The following TBCK variants were observed in gnomAD, a reference collection of about 807,000 sequenced individuals.
TBCK encodes the protein TBC domain-containing protein kinase-like protein.
A neutral mutation model predicts 113.4 loss-of-function variants in TBCK; 99 were observed. The ratio of observed to expected loss-of-function variants is 0.87; its 90% CI spans 0.74 to 1.03. TBCK has a LOEUF of 1.03. Ranked by LOEUF, TBCK falls within the 50% of genes least tolerant of loss-of-function variation. The pLI, the probability that TBCK is intolerant of heterozygous loss-of-function variation, is 0.00. For missense variants in TBCK, 1,045 were observed against 1,061.3 expected (o/e 0.98, Z 0.21); for synonymous variants, 369 against 370.8 (o/e 1.00, Z 0.05).
At chr4:106,234,510 C>T (rs546412538) in intron 15 of TBCK, among the ~76,000 whole-genome samples, 1 of 152,166 alleles carries the variant, frequency 6.6e-6, no homozygotes, top group African/African-American at 2.4e-5. Context: ...GTGGCACAAC[C>T]AAGGTTCACT....
chr4:106,228,489 T>G (rs61610478), intron 19 of TBCK, among the ~76,000 whole-genome samples: 1 of 152,010 alleles, frequency 6.6e-6, no homozygotes, highest in African/African-American at 2.4e-5. Flanking sequence ...AGTGAGAACA[T>G]GTGAAGCCTG....
At chr4:106,107,384 G>T (rs1001021291) in intron 24 of TBCK, among the ~76,000 whole-genome samples, 11 of 152,006 alleles carry the variant, frequency 7.2e-5, no homozygotes, top group African/African-American at 2.4e-4. Flanking sequence ...CACATAACTG[G>T]ACATAAAACA....
intron 25 of TBCK, among the ~76,000 whole-genome samples, chr4:106,078,086 G>T (rs1228848701): frequency 6.6e-6 from 1 of 152,134 alleles, no homozygotes; most frequent in East Asian, 1.9e-4. Context: ...AACATTATTT[G>T]AAATGAATGA....
At chr4:106,062,563 AAC>A (rs1328419126) in intron 25 of TBCK, among the ~76,000 whole-genome samples, 4 of 151,928 alleles carry the variant, frequency 2.6e-5, no homozygotes, top group African/African-American at 9.7e-5. Flanking sequence ...AGATTCAAAA[AAC>A]AGTTAGGACT....
intron 25 of TBCK, among the ~76,000 whole-genome samples, chr4:106,086,569 C>A (rs1241365937): frequency 6.6e-6 from 1 of 152,200 alleles, no homozygotes; most frequent in African/African-American, 2.4e-5. Context: ...GGACTCCTCC[C>A]TAACTAATTT....
At chr4:106,162,011 G>A (rs528950764) in intron 23 of TBCK, among the ~76,000 whole-genome samples, 3 of 152,142 alleles carry the variant, frequency 2.0e-5, no homozygotes, top group Admixed American at 6.5e-5. Flanking sequence ...ACAGTCCAAA[G>A]TCTCATCTGA....
chr4:106,303,438 C>G (rs1425013689), intron 2 of TBCK, among the ~76,000 whole-genome samples: 1 of 152,046 alleles, frequency 6.6e-6, no homozygotes, highest in East Asian at 1.9e-4. Context: ...TACACATACA[C>G]AATTTTATAT....
At chr4:106,123,448 C>A (rs1260809519) in intron 23 of TBCK, among the ~76,000 whole-genome samples, 2 of 152,090 alleles carry the variant, frequency 1.3e-5, no homozygotes, top group Non-Finnish European at 2.9e-5. Flanking sequence ...CCATACTGCC[C>A]AAGGTAATTT....
chr4:106,097,503 T>C (rs1741063496), intron 24 of TBCK, among the ~76,000 whole-genome samples: 1 of 152,130 alleles, frequency 6.6e-6, no homozygotes. Flanking sequence ...AATGTATTAC[T>C]GGCAAAAAAC....
chr4:106,215,730 C>A (rs1181914637), intron 19 of TBCK, among the ~76,000 whole-genome samples: 1 of 151,390 alleles, frequency 6.6e-6, no homozygotes, highest in African/African-American at 2.4e-5. Flanking sequence ...TCCTGAGTGA[C>A]CTACAAAGAG....
intron 23 of TBCK, among the ~76,000 whole-genome samples, chr4:106,127,301 A>G (rs958658869): frequency 2.0e-5 from 3 of 151,984 alleles, no homozygotes; most frequent in African/African-American, 7.2e-5. Flanking sequence ...AATAGGCAAA[A>G]TAATTTAATA....
intron 25 of TBCK, among the ~76,000 whole-genome samples, chr4:106,047,325 T>A (rs997130901): frequency 1.3e-5 from 2 of 152,164 alleles, no homozygotes; most frequent in Non-Finnish European, 2.9e-5. Context: ...GGATCATCGA[T>A]TGCCTTTCCT....
At chr4:106,163,760 C>T (rs1366491471) in intron 23 of TBCK, 1 of 152,100 alleles carries the variant, frequency 6.6e-6, no homozygotes, top group African/African-American at 2.4e-5. Context: ...AATTACTCCA[C>T]CTGGTCCTGT....
At chr4:106,074,594 G>C (rs1256467179) in intron 25 of TBCK, among the ~76,000 whole-genome samples, 1 of 152,150 alleles carries the variant, frequency 6.6e-6, no homozygotes, top group African/African-American at 2.4e-5. Context: ...ACCAATGTAG[G>C]TTGACTAAAA....
intron 19 of TBCK, among the ~76,000 whole-genome samples, chr4:106,226,007 T>C (rs1209832322): frequency 1.3e-5 from 2 of 151,814 alleles, no homozygotes; most frequent in Non-Finnish European, 2.9e-5. Context: ...TACAAAAAAA[T>C]ACAAAAATTA....
chr4:106,312,073 T>C lies in TBCK; in HGVS notation c.-29-3084A>G, dbSNP rs575403657. Among the ~76,000 whole-genome samples the C allele has an allele frequency of 4.6e-5, 7 of 152,208 alleles. No individual in the cohort carries two copies. The South Asian group carries it at 1.2e-3, about 27-fold the overall frequency. On this transcript the variant is annotated intron_variant, in intron 1 of 25. Coordinates refer to ENST00000394708, the MANE Select transcript of TBCK (RefSeq NM_001163435.3). ...GCCACAAAAGACAATTTTGACAAAGTAGACTTCATCAAAATTAAAAACATC... is the reference window on the plus strand; with the variant it reads ...GCCACAAAAGACAATTTTGACAAAGCAGACTTCATCAAAATTAAAAACATC...
chr4:106,119,977 T>A (rs1311290524), intron 23 of TBCK, among the ~76,000 whole-genome samples: 7 of 152,044 alleles, frequency 4.6e-5, no homozygotes, highest in Non-Finnish European at 1.5e-5. Context: ...GATGGCCGAA[T>A]AGGAACAGCT....
At chr4:106,151,429 T>A (rs1748473776) in intron 23 of TBCK, among the ~76,000 whole-genome samples, 1 of 150,866 alleles carries the variant, frequency 6.6e-6, no homozygotes, top group Admixed American at 6.6e-5. Context: ...TTATTTTAAT[T>A]TTTATCACCC....
intron 2 of TBCK, among the ~76,000 whole-genome samples, chr4:106,296,966 G>C (rs991114341): frequency 2.0e-5 from 3 of 152,072 alleles, no homozygotes; most frequent in African/African-American, 7.2e-5. Flanking sequence ...GAAAAAAGCA[G>C]GCAACATTAT....
Sources: gnomAD v4.1 joint callset for allele counts (sites outside exome capture counted in the v4.1 genomes callset) on GRCh38, gnomAD v4.1.1 for gene constraint, MANE v1.5 for transcripts, NCBI Gene and HGNC (gene_info 2026-07-23, HGNC 2026-07-21) for gene names.